ZNF343: variants seen among roughly 807,000 people sequenced by gnomAD.
ZNF343 encodes the protein zinc finger protein 343.
In ZNF343, 11 loss-of-function variants were observed where a neutral mutation model predicts 13.8. The ratio of observed to expected loss-of-function variants is 0.80; its 90% CI spans 0.50 to 1.32. The LOEUF (loss-of-function observed/expected upper bound fraction) is 1.32. Among genes scored for constraint, ZNF343 ranks in the 40% most tolerant of loss-of-function variants. ZNF343 has a pLI of 0.00. For synonymous variants in ZNF343, 248 were observed against 260.0 expected, an observed-to-expected ratio of 0.95 and a Z score of 0.44; for missense variants, 658 against 714.2, an observed-to-expected ratio of 0.92 and a Z score of 0.90.
At chr20:2,489,839 G>A (rs564968652) in intron 5 of ZNF343, among the ~76,000 whole-genome samples, 64 of 152,024 alleles carry the variant, frequency 4.2e-4, no homozygotes, top group Non-Finnish European at 8.5e-4. Flanking sequence ...ACATTAACAT[G>A]AATATGTGAA....
intron 1 of ZNF343, among the ~76,000 whole-genome samples, chr20:2,522,426 T>C (rs2085786558): frequency 6.6e-6 from 1 of 152,244 alleles, no homozygotes; most frequent in African/African-American, 2.4e-5. Flanking sequence ...TGGAGTTACC[T>C]TAGACGTGAC....
At chr20:2,492,525 C>T (rs1467417723) in intron 5 of ZNF343, among the ~76,000 whole-genome samples, 174 bp downstream of exon 5, 1 of 152,148 alleles carries the variant, frequency 6.6e-6, no homozygotes, top group African/African-American at 2.4e-5. Flanking sequence ...GTATATGAGG[C>T]TTTTTGTTTG....
At position 2,493,887 on chromosome 20, in the gene ZNF343, C is replaced by T. The variant is rs2085414365; in HGVS notation, c.9G>A (p.Leu3=). The change falls in exon 3 of 6, where the codon TTG becomes TTA. Residue 3 remains leucine, a synonymous_variant. Transcript: ENST00000278772. ...GATCTCCCAGTGCTGAAGGATAAGGCAACATCATGGCGCCAGAGTCAGCCC... is the reference window on the plus strand; with the variant it reads ...GATCTCCCAGTGCTGAAGGATAAGGTAACATCATGGCGCCAGAGTCAGCCC... MM[L]PYPSALGDQY... The T allele has an allele frequency of 6.2e-7, 1 of 1,612,086 alleles. No individual in the cohort carries two copies. Among genetic ancestry groups the T allele is most frequent in the South Asian group, 1.1e-5 (1 of 91,050 alleles).
chr20:2,518,894 T>C lies in ZNF343; in HGVS notation c.-347+5561A>G, dbSNP rs547939782. 6.6e-6 allele frequency among the ~76,000 whole-genome samples: 1 copy of C among 152,332 alleles called. No individual in the cohort carries two copies. The highest frequency in any genetic ancestry group is 2.1e-4 in the South Asian group (1 of 4,826). Reference sequence around the variant, plus strand: ...CTCATGGGGGTGGTTTCATCCATGCTGTCCTCATGATAGTGAGTTCTCACA... The same window carrying C: ...CTCATGGGGGTGGTTTCATCCATGCCGTCCTCATGATAGTGAGTTCTCACA... On this transcript the variant is annotated intron_variant, in intron 1 of 6. Coordinates refer to the ZNF343 transcript ENST00000358413. The surrounding 1 kb of genome is among the most constrained non-coding windows in gnomAD (Gnocchi z 4.6).
At chr20:2,515,233 C>T (rs1401579118) in intron 1 of ZNF343, among the ~76,000 whole-genome samples, 1 of 152,110 alleles carries the variant, frequency 6.6e-6, no homozygotes, top group African/African-American at 2.4e-5. Flanking sequence ...GATAAAGACA[C>T]CTTCGTCTTA....
In ZNF343 at chr20:2,492,738, C is replaced by T; in HGVS notation, c.265G>A (p.Glu89Lys). The change falls in exon 5 of 6, where the codon GAA (glutamate) becomes AAA (lysine). Residue 89 changes from glutamate (E) to lysine (K), a missense_variant. Physicochemically the swap from Glu to Lys is moderately conservative, Grantham distance 56 (BLOSUM62 1). Coordinates refer to ENST00000278772, the MANE Select transcript of ZNF343 (RefSeq NM_024325.6). ...LSPEQRNLYKEVMLENYRNLL... is the reference protein window; with the variant it reads ...LSPEQRNLYKKVMLENYRNLL... ...TTCCTGTAATTCTCCAGCATCACTT[C>T]TTTGTATAGATTCCTCTGCTCTGGA... 6.2e-7 allele frequency: 1 copy of T among 1,612,032 alleles called. No homozygotes were observed. Among genetic ancestry groups the T allele is most frequent in the Non-Finnish European group, 8.5e-7 (1 of 1,179,462 alleles).
upstream of ZNF343, among the ~76,000 whole-genome samples, chr20:2,510,847 T>C (rs141108783): frequency 4.7e-3 from 716 of 152,254 alleles, 2 homozygotes; most frequent in Admixed American, 3.7e-3. Context: ...CAGGGGTTTG[T>C]ATAGCAGGGA....
At chr20:2,524,767 C>G (rs1189838474), upstream of ZNF343, 2 of 152,568 alleles carry the variant, frequency 1.3e-5, no homozygotes, top group Non-Finnish European at 2.9e-5. Context: ...GGCCCGCCCT[C>G]CCTGCCTTGG....
upstream of ZNF343, among the ~76,000 whole-genome samples, chr20:2,513,566 G>A (rs751139018): frequency 4.6e-5 from 7 of 152,198 alleles, no homozygotes; most frequent in Non-Finnish European, 8.8e-5. Context: ...GGGGAAATCC[G>A]TTTGGTGGTT....
chr20:2,501,814 G>A (rs879803381), intron 1 of ZNF343, among the ~76,000 whole-genome samples: 1 of 152,168 alleles, frequency 6.6e-6, no homozygotes. Flanking sequence ...CCATCTGTAT[G>A]TCACTATCAT....
At chr20:2,501,275 T>C (rs1401819509) in intron 1 of ZNF343, among the ~76,000 whole-genome samples, 1 of 152,172 alleles carries the variant, frequency 6.6e-6, no homozygotes, top group African/African-American at 2.4e-5. Context: ...GCACCCACCA[T>C]TGCTGAGGCT....
chr20:2,512,537 A>G (rs535924322), upstream of ZNF343, among the ~76,000 whole-genome samples: 2 of 152,334 alleles, frequency 1.3e-5, no homozygotes, highest in Admixed American at 1.3e-4. Context: ...GCTTTTCAAC[A>G]AGGATGCCGA....
chr20:2,517,309 A>G (rs1448571645), intron 1 of ZNF343, among the ~76,000 whole-genome samples: 1 of 152,052 alleles, frequency 6.6e-6, no homozygotes, highest in Non-Finnish European at 1.5e-5. Context: ...ACACACACAC[A>G]GGTATATATA....
At chr20:2,514,221 A>C (rs749437177) in intron 1 of ZNF343, among the ~76,000 whole-genome samples, 5 of 152,244 alleles carry the variant, frequency 3.3e-5, no homozygotes, top group African/African-American at 4.8e-5. Context: ...AAATGGTTAA[A>C]ATGCTTAAAT....
chr20:2,522,752 C>T (rs781515971), intron 1 of ZNF343, among the ~76,000 whole-genome samples: 3 of 152,178 alleles, frequency 2.0e-5, no homozygotes, highest in Non-Finnish European at 2.9e-5. Context: ...AGCTCGAGAC[C>T]AGCCTGGGCA....
intron 2 of ZNF343, among the ~76,000 whole-genome samples, chr20:2,498,750 C>G (rs2085504522): frequency 6.6e-6 from 1 of 152,214 alleles, no homozygotes; most frequent in Non-Finnish European, 1.5e-5. Flanking sequence ...GAGATGGGCA[C>G]TATTATTTTC....
At chr20:2,493,405 T>C in intron 4 of ZNF343, 114 bp downstream of exon 4, 1 of 954,776 alleles carries the variant, frequency 1.0e-6, no homozygotes, top group Non-Finnish European at 1.7e-6. Flanking sequence ...AATGCTTCAC[T>C]CATCTACCCA....
chr20:2,483,444 G>C lies in ZNF343; in HGVS notation c.1517C>G (p.Ser506Ter). 10 of 1,608,068 alleles carry C rather than the reference G, an allele frequency of 6.2e-6. No individual in the cohort carries two copies. Among genetic ancestry groups the C allele is most frequent in the Non-Finnish European group, 8.5e-6 (10 of 1,178,328 alleles). ...CGTCCTCTGGTGTCTGATGAGATTTGACTTCTGGCTAAAACCTCGCCTACA... is the reference window on the plus strand; with the variant it reads ...CGTCCTCTGGTGTCTGATGAGATTTCACTTCTGGCTAAAACCTCGCCTACA... ...RECRRGFSQKSNLIRHQRTHS... is the reference protein window; with the variant it reads ...RECRRGFSQK The change falls in exon 6 of 6, where the codon TCA (serine) becomes TGA (stop). Residue 506 changes from serine to a stop codon, truncating the protein, a stop_gained. Transcript: ENST00000278772. LOFTEE classifies it low-confidence loss of function (END_TRUNC).
intron 1 of ZNF343, among the ~76,000 whole-genome samples, chr20:2,517,265 G>T (rs1177402962): frequency 6.6e-6 from 1 of 152,002 alleles, no homozygotes; most frequent in Non-Finnish European, 1.5e-5. Context: ...AACAGAATTT[G>T]TATGTGTTTA....
Sources: gnomAD v4.1 joint callset for allele counts (sites outside exome capture counted in the v4.1 genomes callset) on GRCh38, gnomAD v4.1.1 for gene constraint, Gnocchi (gnomAD v3.1) non-coding constraint, MANE v1.5 for transcripts, NCBI Gene and HGNC (gene_info 2026-07-23, HGNC 2026-07-21) for gene names.